ANO4: variants seen among roughly 807,000 people sequenced by gnomAD.
ANO4 encodes anoctamin-4.
Under a neutral mutation model 141.9 loss-of-function variants are expected in ANO4, and 69 were observed. That is an observed-to-expected ratio of 0.49 (90% CI 0.40 to 0.59). The LOEUF (loss-of-function observed/expected upper bound fraction) is 0.59, where lower values mean the gene tolerates loss of function less well. Ranked by LOEUF, ANO4 falls within the 20% of genes least tolerant of loss-of-function variation. ANO4 has a pLI of 0.00. For synonymous variants in ANO4, 350 were observed against 394.3 expected (o/e 0.89, Z 1.33); for missense variants, 894 against 1,162.2 (o/e 0.77, Z 3.36).
rs76953640 is a variant in ANO4, at chr12:100,761,929, C to G, written c.358+21824C>G. Among the ~76,000 whole-genome samples the G allele has an allele frequency of 8.2e-3, 1,243 of 152,270 alleles. 19 individuals are homozygous for G. Among genetic ancestry groups the G allele is most frequent in the African/African-American group, 0.028 (1,169 of 41,536 alleles). On this transcript the variant is annotated intron_variant, in intron 3 of 29. Transcript: ENST00000644049. Reference sequence around the variant, plus strand: ...TGGCTCCAAAGCTGCCCTTCTTTCTCTGCTTCTGGGTTTTTCCTTTCCAGA... The same window carrying G: ...TGGCTCCAAAGCTGCCCTTCTTTCTGTGCTTCTGGGTTTTTCCTTTCCAGA...
chr12:101,060,801 GCA>G (rs1366567292), intron 14 of ANO4, among the ~76,000 whole-genome samples: 1 of 152,076 alleles, frequency 6.6e-6, no homozygotes, highest in African/African-American at 2.4e-5. Flanking sequence ...CCTGAATACA[GCA>G]CACAGATGGG....
chr12:100,753,274 G>C (rs921706971), intron 3 of ANO4, among the ~76,000 whole-genome samples: 1 of 152,192 alleles, frequency 6.6e-6, no homozygotes, highest in South Asian at 2.1e-4. Flanking sequence ...ATGATGAAAG[G>C]CTGTGGAATT....
chr12:101,051,178 T>C (rs1352564352), intron 14 of ANO4, among the ~76,000 whole-genome samples: 2 of 152,208 alleles, frequency 1.3e-5, no homozygotes, highest in Non-Finnish European at 2.9e-5. Flanking sequence ...TTTTATGTTA[T>C]AGATGACAAA....
In ANO4 at chr12:100,922,250, A is replaced by G; in HGVS notation, c.80A>G (p.Tyr27Cys). Reference protein sequence around the residue: ...HPEGGVDLQGYQLDMQILPDG... With the variant: ...HPEGGVDLQGCQLDMQILPDG... ...GAAGGAGGTGTGGATTTGCAAGGCT[A>G]CCAGCTGGATATGCAAATACTACCT... Residue 27 changes from tyrosine to cysteine, a missense_variant, in exon 3 of 28, where the codon TAC becomes TGC. Physicochemically the swap from Tyr to Cys is radical, Grantham distance 194. Around this residue, in one of 2 missense-constraint regions of ANO4, gnomAD observed 257 missense variants for 253.0 expected, o/e 1.02. Coordinates refer to ENST00000392977, the MANE Select transcript of ANO4 (RefSeq NM_001286615.2). The G allele has an allele frequency of 6.7e-7, 1 of 1,499,432 alleles. No individual in the cohort carries two copies. The highest frequency in any genetic ancestry group is 9.0e-7 in the Non-Finnish European group (1 of 1,116,726). 92.9% of individuals were successfully genotyped at this position (1,499,432 alleles called of 1,614,324 possible). A position where few individuals can be genotyped will look rare whatever the true frequency, so the allele number is the denominator to read the frequency against.
intron 25 of ANO4, 134 bp downstream of exon 25, chr12:101,116,932 C>A: frequency 1.6e-6 from 2 of 1,252,976 alleles, no homozygotes; most frequent in Non-Finnish European, 2.2e-6. Context: ...ATTAAAAGCA[C>A]ATGAAGAATT....
At chr12:100,725,343 CTTT>C (rs5800419) in intron 1 of ANO4, among the ~76,000 whole-genome samples, 2 of 114,946 alleles carry the variant, frequency 1.7e-5, no homozygotes, top group Non-Finnish European at 1.7e-5. Context: ...AAATTGGTAT[CTTT>C]TTTTTTTTTT....
intron 24 of ANO4, 99 bp from the exon 25 acceptor site, chr12:101,116,579 AT>A: frequency 6.4e-7 from 1 of 1,552,978 alleles, no homozygotes; most frequent in South Asian, 1.2e-5. Flanking sequence ...AGTTAAAGGC[AT>A]TTACAATTGC....
intron 3 of ANO4, among the ~76,000 whole-genome samples, chr12:100,927,341 T>C (rs1015087737): frequency 6.6e-6 from 1 of 152,150 alleles, no homozygotes; most frequent in Non-Finnish European, 1.5e-5. Flanking sequence ...CAATTCCTAC[T>C]CTTGAGTTCA....
At chr12:100,990,709 G>T (rs973049701) in intron 8 of ANO4, among the ~76,000 whole-genome samples, 6 of 152,042 alleles carry the variant, frequency 3.9e-5, no homozygotes, top group African/African-American at 1.4e-4. Flanking sequence ...CTTAAGAGGG[G>T]GAATACTCAA....
intron 5 of ANO4, among the ~76,000 whole-genome samples, chr12:100,957,127 A>T (rs1309957796): frequency 6.6e-6 from 1 of 152,220 alleles, no homozygotes; most frequent in Non-Finnish European, 1.5e-5. Flanking sequence ...AAATATTATC[A>T]TTTAGTTCAT....
At chr12:100,878,972 G>T (rs1394396222) in intron 1 of ANO4, among the ~76,000 whole-genome samples, 1 of 152,132 alleles carries the variant, frequency 6.6e-6, no homozygotes, top group Non-Finnish European at 1.5e-5. Flanking sequence ...CTGGGAAGGT[G>T]TTTTATTTCT....
chr12:101,033,887 A>C (rs1396568692), intron 9 of ANO4, among the ~76,000 whole-genome samples: 1 of 152,236 alleles, frequency 6.6e-6, no homozygotes, highest in Non-Finnish European at 1.5e-5. Flanking sequence ...CATATGAAGA[A>C]AGCTCAACAT....
At chr12:100,956,786 C>T (rs2043190323) in intron 5 of ANO4, among the ~76,000 whole-genome samples, 1 of 152,114 alleles carries the variant, frequency 6.6e-6, no homozygotes. Context: ...AGGGGATCTC[C>T]CCCAACTGCA....
intron 2 of ANO4, among the ~76,000 whole-genome samples, chr12:100,915,140 C>T (rs1343750228): frequency 1.3e-5 from 2 of 152,034 alleles, no homozygotes; most frequent in Non-Finnish European, 2.9e-5. Context: ...TTCTTAACAC[C>T]ATTCTCCATC....
chr12:101,053,258 G>A (rs1023862739), intron 14 of ANO4, among the ~76,000 whole-genome samples: 3 of 152,222 alleles, frequency 2.0e-5, no homozygotes, highest in African/African-American at 7.2e-5. Flanking sequence ...GCCAGGCAGA[G>A]TAGTGGGGTT....
At chr12:100,809,342 G>T (rs114419804) in intron 1 of ANO4, among the ~76,000 whole-genome samples, 8 of 149,854 alleles carry the variant, frequency 5.3e-5, no homozygotes, top group African/African-American at 2.0e-4. Flanking sequence ...AGCAGAGATC[G>T]CCCCACTGCA....
chr12:100,942,956 G>A (rs1392049547), intron 5 of ANO4, among the ~76,000 whole-genome samples: 2 of 152,210 alleles, frequency 1.3e-5, no homozygotes, highest in Non-Finnish European at 2.9e-5. Flanking sequence ...GTACACCAGA[G>A]GAGACTGCCT....
At chr12:100,759,532 AGCTAACTTGGTAAGACCC>A (rs2032766646) in intron 3 of ANO4, among the ~76,000 whole-genome samples, 1 of 152,148 alleles carries the variant, frequency 6.6e-6, no homozygotes, top group African/African-American at 2.4e-5. Context: ...AGTGTGATTG[AGCTAACTTGGTAAGACCC>A]GAGAACCCTC....
Position 101,127,042 on chromosome 12 carries a change from G to GA in ANO4, c.2844dup (p.Ala949SerfsTer12), listed in dbSNP as rs1438970006. On this transcript the variant is annotated frameshift_variant, in exon 27 of 28. Coordinates refer to ENST00000392977, the MANE Select transcript of ANO4 (RefSeq NM_001286615.2). LOFTEE classifies it high-confidence loss of function. ...GAACGAAAGGAGAGGAAGAAGAATG[G>GA]AAAAGCACACCACAACGAGTGGCCG... The GA allele has an allele frequency of 6.2e-7, 1 of 1,613,800 alleles. No homozygotes were observed. Among genetic ancestry groups the GA allele is most frequent in the Non-Finnish European group, 8.5e-7 (1 of 1,179,904 alleles).
Sources: gnomAD v4.1 joint callset for allele counts (sites outside exome capture counted in the v4.1 genomes callset) on GRCh38, gnomAD v4.1.1 for gene constraint, gnomAD v4.1.1 regional missense constraint, MANE v1.5 for transcripts, NCBI Gene and HGNC (gene_info 2026-07-23, HGNC 2026-07-21) for gene names.